RP1: variants seen among roughly 807,000 people sequenced by gnomAD.
RP1 encodes the protein RP1 axonemal microtubule associated.
In RP1, 16 loss-of-function variants were observed where a neutral mutation model predicts 14.8. The observed-to-expected ratio is 1.08, with a 90% CI of 0.73 to 1.65. The LOEUF (loss-of-function observed/expected upper bound fraction) is 1.65, where lower values mean the gene tolerates loss of function less well. Among genes scored for constraint, RP1 ranks in the 40% most tolerant of loss-of-function variants. RP1 has a pLI of 0.00. For missense variants in RP1, 2,631 were observed against 2,535.0 expected, an observed-to-expected ratio of 1.04 and a Z score of -0.81; for synonymous variants, 876 against 883.6, an observed-to-expected ratio of 0.99 and a Z score of 0.15.
intron 1 of RP1, among the ~76,000 whole-genome samples, chr8:54,569,020 G>T (rs531332203): frequency 6.6e-6 from 1 of 152,324 alleles, no homozygotes; most frequent in South Asian, 2.1e-4. Context: ...AAAGAGCTTT[G>T]CTCCATGCCT....
intron 24 of RP1, among the ~76,000 whole-genome samples, chr8:54,835,281 A>T (rs759438898): frequency 3.3e-5 from 5 of 152,202 alleles, no homozygotes; most frequent in Non-Finnish European, 7.3e-5. Flanking sequence ...TATTAGAAGC[A>T]ATTTGGAAGC....
At chr8:54,612,162 T>C (rs1805613990), upstream of RP1, among the ~76,000 whole-genome samples, 1 of 152,224 alleles carries the variant, frequency 6.6e-6, no homozygotes, top group African/African-American at 2.4e-5. Flanking sequence ...GTATTATATC[T>C]TTAAATCCCC....
intron 15 of RP1, among the ~76,000 whole-genome samples, chr8:54,717,000 A>G (rs1342734891): frequency 6.6e-6 from 1 of 151,834 alleles, no homozygotes; most frequent in African/African-American, 2.4e-5. Context: ...TCTTCTAGTC[A>G]TTTGTCCCAG....
intron 25 of RP1, among the ~76,000 whole-genome samples, chr8:54,839,329 T>C (rs1428352321): frequency 6.6e-6 from 1 of 152,220 alleles, no homozygotes; most frequent in African/African-American, 2.4e-5. Context: ...TCCCATCATC[T>C]TTAATACCCA....
chr8:54,829,058 A>C (rs1811459022), intron 24 of RP1, among the ~76,000 whole-genome samples: 1 of 151,666 alleles, frequency 6.6e-6, no homozygotes, highest in African/African-American at 2.4e-5. Context: ...ATGCCGGGCT[A>C]ATTTTTGTAT....
downstream of RP1, among the ~76,000 whole-genome samples, chr8:54,774,664 C>T (rs1464873353): frequency 6.6e-6 from 1 of 152,142 alleles, no homozygotes; most frequent in East Asian, 1.9e-4. Context: ...TTGTTTGATT[C>T]TAGAACATTG....
At chr8:54,632,526 A>G (rs1358779653), downstream of RP1, among the ~76,000 whole-genome samples, 1 of 152,224 alleles carries the variant, frequency 6.6e-6, no homozygotes, top group African/African-American at 2.4e-5. Context: ...GGTACATGGT[A>G]AGTACCTAAT....
intron 3 of RP1, among the ~76,000 whole-genome samples, chr8:54,647,397 C>A (rs917000373): frequency 6.6e-6 from 1 of 151,750 alleles, no homozygotes; most frequent in African/African-American, 2.4e-5. Flanking sequence ...TTGGGTGACA[C>A]CAGCGAGACT....
chr8:54,845,484 G>T (rs912796631), intron 25 of RP1, among the ~76,000 whole-genome samples: 1 of 152,288 alleles, frequency 6.6e-6, no homozygotes, highest in East Asian at 1.9e-4. Context: ...AAACCAAGAC[G>T]CCCGGTGCAC....
chr8:54,817,878 A>G (rs1811171138), intron 24 of RP1, among the ~76,000 whole-genome samples: 1 of 152,218 alleles, frequency 6.6e-6, no homozygotes, highest in Non-Finnish European at 1.5e-5. Flanking sequence ...AAGTTCCACT[A>G]GCAGAGAAAG....
At chr8:54,678,041 A>G (rs1361883322) in intron 8 of RP1, among the ~76,000 whole-genome samples, 2 of 152,208 alleles carry the variant, frequency 1.3e-5, no homozygotes, top group African/African-American at 4.8e-5. Flanking sequence ...CAAAACATAT[A>G]TATTTTATGC....
intron 24 of RP1, among the ~76,000 whole-genome samples, chr8:54,827,596 C>T (rs1278306959): frequency 6.6e-6 from 1 of 152,146 alleles, no homozygotes; most frequent in African/African-American, 2.4e-5. Context: ...TCGCAAAGTG[C>T]TGGGATTACA....
At chr8:54,808,166 A>C (rs1425285136) in intron 24 of RP1, among the ~76,000 whole-genome samples, 1 of 152,140 alleles carries the variant, frequency 6.6e-6, no homozygotes, top group Non-Finnish European at 1.5e-5. Flanking sequence ...GGTACAAGAA[A>C]ATTTCTCTCC....
In RP1 at chr8:54,707,203, A is replaced by G. The variant is rs1372813418; in HGVS notation, c.2211+548A>G. On this transcript the variant is annotated intron_variant, in intron 15 of 22. Coordinates refer to the RP1 transcript ENST00000636932. The stretch of plus-strand genomic sequence containing the variant: ...ACCCAGGCTGGAGTGCAGTCATGCA[A>G]TCTCGGCTCACAGCAGCTCAGGTGA... Among the ~76,000 whole-genome samples, 8 of 152,098 alleles carry G rather than the reference A, an allele frequency of 5.3e-5. No homozygotes were observed. In the East Asian group the frequency reaches 5.8e-4, roughly 11 times the overall value.
chr8:54,863,018 T>A (rs999450512), intron 27 of RP1, among the ~76,000 whole-genome samples: 10 of 144,066 alleles, frequency 6.9e-5, no homozygotes, highest in African/African-American at 2.5e-4. Flanking sequence ...AAGAAAGTCT[T>A]CTCTACCCCC....
chr8:54,797,168 A>T (rs1300513313), intron 24 of RP1, among the ~76,000 whole-genome samples: 1 of 152,130 alleles, frequency 6.6e-6, no homozygotes, highest in Non-Finnish European at 1.5e-5. Context: ...ACTGCTGAAG[A>T]CAGTTGGAGT....
chr8:54,711,755 T>C (rs1808297801), intron 15 of RP1, among the ~76,000 whole-genome samples: 9 of 152,144 alleles, frequency 5.9e-5, no homozygotes, highest in Admixed American at 5.9e-4. Context: ...AATTTAATGA[T>C]TGTAAATGTA....
intron 28 of RP1, among the ~76,000 whole-genome samples, chr8:54,866,525 GA>G (rs1237252298): frequency 6.6e-6 from 1 of 152,108 alleles, no homozygotes; most frequent in African/African-American, 2.4e-5. Flanking sequence ...CTACTTTATA[GA>G]GTTATAATAA....
intron 24 of RP1, among the ~76,000 whole-genome samples, chr8:54,835,098 T>C (rs1462481763): frequency 7.3e-6 from 1 of 136,768 alleles, no homozygotes; most frequent in African/African-American, 2.6e-5. Context: ...CATTTTGGAG[T>C]CACTGTCCTT....
Sources: gnomAD v4.1 joint callset for allele counts (sites outside exome capture counted in the v4.1 genomes callset) on GRCh38, gnomAD v4.1.1 for gene constraint, MANE v1.5 for transcripts, NCBI Gene and HGNC (gene_info 2026-07-23, HGNC 2026-07-21) for gene names.